The following WDR7 variants were observed in gnomAD, a reference collection of about 807,000 sequenced individuals.
WDR7 encodes WD repeat-containing protein 7.
A neutral mutation model predicts 169.4 loss-of-function variants in WDR7; 46 were observed. The ratio of observed to expected loss-of-function variants is 0.27; its 90% CI spans 0.21 to 0.35. WDR7 has a LOEUF of 0.35. Ranked by LOEUF, WDR7 falls within the 10% of genes least tolerant of loss-of-function variation. The pLI, the probability that WDR7 is intolerant of heterozygous loss-of-function variation, is 1.00. For missense variants in WDR7, 1,534 were observed against 1,859.3 expected, an observed-to-expected ratio of 0.83 and a Z score of 3.22; for synonymous variants, 612 against 666.8, an observed-to-expected ratio of 0.92 and a Z score of 1.27.
intron 14 of WDR7, among the ~76,000 whole-genome samples, chr18:56,738,903 C>T (rs2043569098): frequency 7.6e-6 from 1 of 131,070 alleles, no homozygotes; most frequent in Admixed American, 9.2e-5. Context: ...AATGTTAACT[C>T]TTTTTTGGTA....
At chr18:56,699,565 C>G (rs2025778249) in intron 12 of WDR7, among the ~76,000 whole-genome samples, 1 of 152,082 alleles carries the variant, frequency 6.6e-6, no homozygotes, top group Admixed American at 6.6e-5. Context: ...TAGGTGAATT[C>G]AGGTGGAAGT....
At chr18:56,931,921 T>G (rs2046890964) in intron 22 of WDR7, among the ~76,000 whole-genome samples, 1 of 152,122 alleles carries the variant, frequency 6.6e-6, no homozygotes, top group African/African-American at 2.4e-5. Flanking sequence ...AGTTGAAAAT[T>G]AGGGAACTAG....
chr18:56,730,173 C>G (rs191896701), intron 13 of WDR7, among the ~76,000 whole-genome samples: 1 of 152,294 alleles, frequency 6.6e-6, no homozygotes, highest in East Asian at 1.9e-4. Flanking sequence ...AACAAAACAT[C>G]TGAAACTCTC....
At chr18:56,837,868 C>T (rs1487078022) in intron 20 of WDR7, among the ~76,000 whole-genome samples, 2 of 152,122 alleles carry the variant, frequency 1.3e-5, no homozygotes, top group Non-Finnish European at 2.9e-5. Context: ...CCATGTTGGC[C>T]AGGCTGGTCT....
chr18:56,718,982 C>A (rs1032758660), intron 13 of WDR7, among the ~76,000 whole-genome samples: 6 of 152,174 alleles, frequency 3.9e-5, no homozygotes, highest in African/African-American at 1.4e-4. Context: ...GAATAAATAG[C>A]CATAAGCTTC....
At chr18:56,769,800 A>T (rs892344200) in intron 16 of WDR7, among the ~76,000 whole-genome samples, 1 of 152,212 alleles carries the variant, frequency 6.6e-6, no homozygotes, top group African/African-American at 2.4e-5. Flanking sequence ...CAATAGTTTA[A>T]TCACTATTCT....
intron 22 of WDR7, among the ~76,000 whole-genome samples, chr18:56,926,131 T>C (rs2046803635): frequency 6.6e-6 from 1 of 152,184 alleles, no homozygotes; most frequent in African/African-American, 2.4e-5. Context: ...GTAGGCAGGA[T>C]AGTTTTCTGG....
intron 1 of WDR7, among the ~76,000 whole-genome samples, chr18:56,666,201 C>CTTTTTTTTTTT (rs71169386): frequency 3.0e-5 from 3 of 101,018 alleles, no homozygotes; most frequent in Non-Finnish European, 3.7e-5. Flanking sequence ...ATTCCTTCGT[C>CTTTTTTTTTTT]TTTTTTTTTT....
At chr18:56,671,360 C>T (rs1236357366) in intron 1 of WDR7, among the ~76,000 whole-genome samples, 1 of 148,000 alleles carries the variant, frequency 6.8e-6, no homozygotes, top group Non-Finnish European at 1.5e-5. Flanking sequence ...GCGATCTTGG[C>T]TCACTGCAAC....
chr18:56,703,443 T>C (rs1333812237), intron 12 of WDR7, among the ~76,000 whole-genome samples: 4 of 152,224 alleles, frequency 2.6e-5, no homozygotes, highest in Non-Finnish European at 5.9e-5. Flanking sequence ...GCAATGTCTA[T>C]ACCTATAGCT....
chr18:56,865,730 G>A (rs954246158), intron 20 of WDR7, among the ~76,000 whole-genome samples: 1 of 152,016 alleles, frequency 6.6e-6, no homozygotes, highest in Non-Finnish European at 1.5e-5. Context: ...TTTCTGTATG[G>A]TAATGCATTG....
rs149191401 is a variant in WDR7 at position 56,847,628 on chromosome 18, C to T, written c.3304+31484C>T. Among the ~76,000 whole-genome samples the T allele has an allele frequency of 1.7e-3, 254 of 152,254 alleles. 1 individual carries two copies. The East Asian group carries it at 0.028, about 17-fold the overall frequency. ...CCCCTCCCATCAAAGACCTAGCGAC[C>T]TAGAAGGAAAGAATGGCTTTGAGGG... On this transcript the variant is annotated intron_variant, in intron 20 of 27. Transcript: ENST00000254442.
intron 14 of WDR7, 46 bp downstream of exon 14, chr18:56,731,643 C>T (rs2026590610): frequency 6.8e-7 from 1 of 1,479,144 alleles, no homozygotes; most frequent in Non-Finnish European, 9.2e-7. Context: ...CCCCATTTAA[C>T]TTCATTTAGT....
At chr18:56,676,069 A>G (rs973620290) in intron 2 of WDR7, among the ~76,000 whole-genome samples, 1 of 152,084 alleles carries the variant, frequency 6.6e-6, no homozygotes, top group African/African-American at 2.4e-5. Flanking sequence ...CTGGGTGAAT[A>G]TATATTTAAA....
intron 12 of WDR7, among the ~76,000 whole-genome samples, chr18:56,707,799 G>T (rs1227361072): frequency 1.3e-5 from 2 of 152,142 alleles, no homozygotes; most frequent in South Asian, 4.1e-4. Context: ...GTTTCTCTGC[G>T]TTTTTTTGAT....
chr18:56,715,938 CAA>C (rs2144731587), intron 12 of WDR7, among the ~76,000 whole-genome samples: 1 of 152,048 alleles, frequency 6.6e-6, no homozygotes, highest in South Asian at 2.1e-4. Context: ...ATATATTTGA[CAA>C]AGTCAGTACT....
intron 20 of WDR7, among the ~76,000 whole-genome samples, chr18:56,843,097 G>C (rs748691003): frequency 6.6e-6 from 1 of 152,124 alleles, no homozygotes; most frequent in Non-Finnish European, 1.5e-5. Context: ...AATGAATTTT[G>C]ATGTTGAAAG....
chr18:56,867,736 T>C (rs751544467), intron 20 of WDR7, among the ~76,000 whole-genome samples: 1 of 152,202 alleles, frequency 6.6e-6, no homozygotes, highest in Non-Finnish European at 1.5e-5. Flanking sequence ...ATAGTTGTAA[T>C]ACATGAATGA....
intron 27 of WDR7, among the ~76,000 whole-genome samples, chr18:57,021,431 C>A (rs558242148): frequency 3.0e-4 from 45 of 152,278 alleles, no homozygotes; most frequent in African/African-American, 1.0e-3. Flanking sequence ...AAGGTGTTTT[C>A]CTAGTGTTCA....
Sources: gnomAD v4.1 joint callset for allele counts (sites outside exome capture counted in the v4.1 genomes callset) on GRCh38, gnomAD v4.1.1 for gene constraint, MANE v1.5 for transcripts, NCBI Gene and HGNC (gene_info 2026-07-23, HGNC 2026-07-21) for gene names.